ARHGAP18: variants seen among roughly 807,000 people sequenced by gnomAD.
ARHGAP18 encodes the protein rho GTPase-activating protein 18.
Under a neutral mutation model 86.2 loss-of-function variants are expected in ARHGAP18, and 67 were observed. That is an observed-to-expected ratio of 0.78 (90% CI 0.64 to 0.95). The LOEUF (loss-of-function observed/expected upper bound fraction) is 0.95. Ranked by LOEUF, ARHGAP18 falls within the 40% of genes least tolerant of loss-of-function variation. ARHGAP18 has a pLI of 0.00. For missense variants in ARHGAP18, 691 were observed against 780.4 expected (o/e 0.89, Z 1.37); for synonymous variants, 283 against 280.4 (o/e 1.01, Z -0.09).
At chr6:129,634,218 T>A (rs1773283093) in intron 3 of ARHGAP18, 113 bp from the exon 4 acceptor site, 1 of 843,112 alleles carries the variant, frequency 1.2e-6, no homozygotes, top group Non-Finnish European at 1.8e-6. Context: ...CTCAGAATTA[T>A]AACAATCACA....
rs987283722 is a variant in ARHGAP18 at position 129,685,998 on chromosome 6, G to A, written c.113+24026C>T. On this transcript the variant is annotated intron_variant, in intron 1 of 14. Transcript: ENST00000368149. ...ATGCTTCTTCAGCCCTTACATTGCC[G>A]GGGGCGGGCGGAGGGGCAGAAAAAT... Among the ~76,000 whole-genome samples, 16 of 152,252 alleles carry A rather than the reference G, an allele frequency of 1.1e-4. No individual in the cohort carries two copies. In the East Asian group the frequency reaches 2.1e-3, roughly 20 times the overall value.
chr6:129,657,817 G>T (rs1311445933), intron 1 of ARHGAP18, among the ~76,000 whole-genome samples: 2 of 152,278 alleles, frequency 1.3e-5, no homozygotes, highest in East Asian at 3.9e-4. Context: ...CCTAATCAGT[G>T]AATTGCAATA....
In ARHGAP18 at chr6:129,625,894, TTA is replaced by T. The variant is rs1303542798; in HGVS notation, c.786+3457_786+3458del. Among the ~76,000 whole-genome samples, 2 of 74,958 alleles carry T rather than the reference TTA, an allele frequency of 2.7e-5. 1 individual carries two copies. Among genetic ancestry groups the T allele is most frequent in the South Asian group, 6.6e-4 (2 of 3,050 alleles). 49.2% of individuals were successfully genotyped at this position (74,958 alleles called of 152,430 possible). A position where few individuals can be genotyped will look rare whatever the true frequency, so the allele number is the denominator to read the frequency against. Reference sequence around the variant, plus strand: ...ATATTATATATTTATATATTATATATTATATATTTATATATTATATATTATAG... The same window carrying T: ...ATATTATATATTTATATATTATATATTATATTTATATATTATATATTATAG... On this transcript the variant is annotated intron_variant, in intron 5 of 14. Transcript: ENST00000368149.
chr6:129,642,928 T>G (rs949980443), intron 1 of ARHGAP18, among the ~76,000 whole-genome samples: 3 of 152,152 alleles, frequency 2.0e-5, no homozygotes, highest in African/African-American at 7.2e-5. Flanking sequence ...ACTCATTTAT[T>G]AGCAATTCTG....
intron 12 of ARHGAP18, among the ~76,000 whole-genome samples, chr6:129,591,459 C>A (rs1017281611): frequency 6.6e-6 from 1 of 152,136 alleles, no homozygotes; most frequent in Admixed American, 6.5e-5. Flanking sequence ...GATTTTACAA[C>A]TTCAAGAGTG....
chr6:129,647,653 C>A (rs1223751921), intron 1 of ARHGAP18, among the ~76,000 whole-genome samples: 1 of 150,560 alleles, frequency 6.6e-6, no homozygotes, highest in Non-Finnish European at 1.5e-5. Flanking sequence ...TTTGTTTTGG[C>A]TTCGTTCTGT....
intron 1 of ARHGAP18, among the ~76,000 whole-genome samples, chr6:129,680,560 T>C (rs528235574): frequency 6.6e-6 from 1 of 152,198 alleles, no homozygotes; most frequent in Non-Finnish European, 1.5e-5. Context: ...GACACTGCAC[T>C]GTATTAATCC....
At chr6:129,634,344 AG>A (rs1262279108) in intron 3 of ARHGAP18, among the ~76,000 whole-genome samples, 2 of 152,190 alleles carry the variant, frequency 1.3e-5, no homozygotes, top group African/African-American at 2.4e-5. Context: ...AAAAGTCACG[AG>A]TGGGTCCCTG....
intron 1 of ARHGAP18, among the ~76,000 whole-genome samples, chr6:129,643,350 T>C (rs998956446): frequency 4.6e-5 from 7 of 152,178 alleles, no homozygotes; most frequent in African/African-American, 1.7e-4. Flanking sequence ...CTCGTGATAG[T>C]GAGTGAGTTG....
chr6:129,653,518 ATAAC>A (rs906625964), intron 1 of ARHGAP18, among the ~76,000 whole-genome samples: 3 of 152,248 alleles, frequency 2.0e-5, no homozygotes, highest in Admixed American at 2.0e-4. Flanking sequence ...GGATGGAGAA[ATAAC>A]TTCCAGCCAA....
At chr6:129,647,939 T>C (rs1325272950) in intron 1 of ARHGAP18, among the ~76,000 whole-genome samples, 3 of 152,172 alleles carry the variant, frequency 2.0e-5, no homozygotes, top group Admixed American at 6.5e-5. Context: ...CACTTTAATA[T>C]GTCAAACAGA....
chr6:129,625,640 T>C (rs1455100256), intron 5 of ARHGAP18, among the ~76,000 whole-genome samples: 1 of 78,682 alleles, frequency 1.3e-5, no homozygotes, highest in Non-Finnish European at 2.2e-5. Context: ...TATATTTATA[T>C]TATATATTTA....
chr6:129,629,247 C>CTATATA, intron 5 of ARHGAP18, 106 bp downstream of exon 5: 1 of 653,240 alleles, frequency 1.5e-6, no homozygotes, highest in African/African-American at 1.9e-5. Flanking sequence ...CTCTCTCTCT[C>CTATATA]TATATATATA....
intron 5 of ARHGAP18, among the ~76,000 whole-genome samples, chr6:129,621,812 TCCTAATAAGA>T (rs1180118690): frequency 1.3e-5 from 2 of 152,054 alleles, no homozygotes; most frequent in Non-Finnish European, 2.9e-5. Flanking sequence ...CCTTCAAAAG[TCCTAATAAGA>T]ATTATTACAG....
chr6:129,616,440 C>A, intron 6 of ARHGAP18, 137 bp from the exon 7 acceptor site: 1 of 659,356 alleles, frequency 1.5e-6, no homozygotes, highest in Non-Finnish European at 2.5e-6. Flanking sequence ...ATGACAGCAT[C>A]TCAACATTAT....
At chr6:129,636,027 C>A (rs1040588961) in intron 3 of ARHGAP18, among the ~76,000 whole-genome samples, 3 of 152,158 alleles carry the variant, frequency 2.0e-5, no homozygotes, top group African/African-American at 7.2e-5. Context: ...GCTCTCTATT[C>A]CCTCCCCCTT....
chr6:129,671,599 C>T (rs6936380), intron 1 of ARHGAP18, among the ~76,000 whole-genome samples: 4,959 of 152,026 alleles, frequency 0.033, 252 homozygotes, highest in African/African-American at 0.11. Context: ...AATAGCTACT[C>T]GGGAGGCTGA....
intron 1 of ARHGAP18, among the ~76,000 whole-genome samples, chr6:129,695,579 A>G (rs780845712): frequency 4.6e-5 from 7 of 152,134 alleles, no homozygotes; most frequent in Non-Finnish European, 1.0e-4. Context: ...CTCTCCCTGC[A>G]AAATGGAGAT....
chr6:129,613,114 T>A (rs1193007836), intron 7 of ARHGAP18, among the ~76,000 whole-genome samples: 1 of 151,730 alleles, frequency 6.6e-6, no homozygotes, highest in Non-Finnish European at 1.5e-5. Flanking sequence ...GTGCCTGTGA[T>A]CCCAGCTACT....
Sources: gnomAD v4.1 joint callset for allele counts (sites outside exome capture counted in the v4.1 genomes callset) on GRCh38, gnomAD v4.1.1 for gene constraint, MANE v1.5 for transcripts, NCBI Gene and HGNC (gene_info 2026-07-23, HGNC 2026-07-21) for gene names.